Variants in CTNNA2 observed in about 807,000 individuals in gnomAD.
CTNNA2 encodes catenin alpha 2.
A neutral mutation model predicts 101.0 loss-of-function variants in CTNNA2; 42 were observed. That is an observed-to-expected ratio of 0.42 (90% CI 0.32 to 0.54). The LOEUF (loss-of-function observed/expected upper bound fraction) is 0.54, where lower values mean the gene tolerates loss of function less well. CTNNA2 is among the 20% of genes least tolerant of loss of function. CTNNA2 has a pLI of 0.14. For synonymous variants in CTNNA2, 450 were observed against 456.4 expected, an observed-to-expected ratio of 0.99 and a Z score of 0.18; for missense variants, 871 against 1,223.1, an observed-to-expected ratio of 0.71 and a Z score of 4.29.
At chr2:79,246,172 G>A (rs999850396) in intron 2 of CTNNA2, among the ~76,000 whole-genome samples, 1 of 152,172 alleles carries the variant, frequency 6.6e-6, no homozygotes, top group African/African-American at 2.4e-5. Flanking sequence ...TCTTGAATAA[G>A]TCTTTTACCA....
At chr2:79,458,135 A>C in intron 4 of CTNNA2, among the ~76,000 whole-genome samples, 1 of 152,206 alleles carries the variant, frequency 6.6e-6, no homozygotes, top group East Asian at 1.9e-4. Flanking sequence ...TTAGAACCAA[A>C]GCCCCAATAG....
At chr2:79,557,338 T>C (rs1158458906) in intron 1 of CTNNA2, among the ~76,000 whole-genome samples, 2 of 151,914 alleles carry the variant, frequency 1.3e-5, no homozygotes, top group African/African-American at 2.4e-5. Context: ...TTTCAGAAAT[T>C]GGAAACAGAA....
At chr2:79,914,215 G>A (rs1232597359) in intron 7 of CTNNA2, among the ~76,000 whole-genome samples, 1 of 151,428 alleles carries the variant, frequency 6.6e-6, no homozygotes, top group East Asian at 1.9e-4. Context: ...GGCAATGCCT[G>A]GACACTCTGC....
intron 7 of CTNNA2, among the ~76,000 whole-genome samples, chr2:80,296,319 G>A (rs973739566): frequency 2.0e-5 from 3 of 152,108 alleles, no homozygotes; most frequent in South Asian, 2.1e-4. Flanking sequence ...CTCCTGGAAG[G>A]AATATCAAGT....
At chr2:80,572,652 C>A (rs1694700268) in intron 12 of CTNNA2, 7 of 151,976 alleles carry the variant, frequency 4.6e-5, no homozygotes, top group Admixed American at 6.5e-5. Context: ...ATTCCCAACA[C>A]GAATAACTCA....
intron 7 of CTNNA2, among the ~76,000 whole-genome samples, chr2:80,082,374 T>G (rs1336563469): frequency 1.3e-5 from 2 of 152,200 alleles, no homozygotes; most frequent in Non-Finnish European, 2.9e-5. Context: ...ACTTATGGTA[T>G]GTACCTCATA....
intron 9 of CTNNA2, among the ~76,000 whole-genome samples, chr2:80,430,963 A>T (rs1246170925): frequency 6.6e-6 from 1 of 152,168 alleles, no homozygotes. Context: ...TTAAGATCAG[A>T]CACCTTCAAT....
At chr2:80,152,837 G>C (rs1224572966) in intron 7 of CTNNA2, among the ~76,000 whole-genome samples, 1 of 152,148 alleles carries the variant, frequency 6.6e-6, no homozygotes, top group Non-Finnish European at 1.5e-5. Flanking sequence ...TCTCCTGCTA[G>C]AGTTCAGAAA....
At chr2:79,373,324 A>G (rs2861785) in intron 3 of CTNNA2, among the ~76,000 whole-genome samples, 124,006 of 152,164 alleles carry the variant, frequency 0.81, 51,054 homozygotes, top group African/African-American at 0.92. Context: ...ACGTAAATGA[A>G]TAAGTAAAAT....
intron 17 of CTNNA2, among the ~76,000 whole-genome samples, chr2:80,609,875 T>G (rs1473473758): frequency 6.6e-6 from 1 of 151,740 alleles, no homozygotes; most frequent in Non-Finnish European, 1.5e-5. Context: ...ACCCATTGTT[T>G]GTCACTGCCT....
chr2:80,365,389 T>G (rs915738841), intron 7 of CTNNA2, among the ~76,000 whole-genome samples: 1 of 152,130 alleles, frequency 6.6e-6, no homozygotes, highest in African/African-American at 2.4e-5. Flanking sequence ...ACAGCTTATA[T>G]TTTAAAGGTT....
chr2:80,513,034 A>G (rs1190458272), intron 9 of CTNNA2, among the ~76,000 whole-genome samples: 1 of 152,078 alleles, frequency 6.6e-6, no homozygotes, highest in Non-Finnish European at 1.5e-5. Context: ...TTTGTGTTGT[A>G]GCTCCCTTGC....
intron 3 of CTNNA2, among the ~76,000 whole-genome samples, chr2:79,341,032 A>G (rs1243578156): frequency 6.6e-6 from 1 of 152,012 alleles, no homozygotes; most frequent in African/African-American, 2.4e-5. Context: ...CTACATATAT[A>G]TATATAATCT....
At chr2:79,341,958 A>G (rs186250945) in intron 3 of CTNNA2, among the ~76,000 whole-genome samples, 1 of 152,160 alleles carries the variant, frequency 6.6e-6, no homozygotes, top group Admixed American at 6.5e-5. Context: ...CAGCTTGCAG[A>G]TAAGGTACAA....
intron 6 of CTNNA2, among the ~76,000 whole-genome samples, chr2:79,907,541 T>G (rs1401974724): frequency 6.6e-6 from 1 of 152,134 alleles, no homozygotes; most frequent in Non-Finnish European, 1.5e-5. Flanking sequence ...CTTTCACCTG[T>G]AATAATGAAC....
chr2:79,544,829 C>T (rs1404595841), intron 1 of CTNNA2, among the ~76,000 whole-genome samples: 1 of 152,010 alleles, frequency 6.6e-6, no homozygotes, highest in Non-Finnish European at 1.5e-5. Context: ...GGTGAACTTC[C>T]CAGCTCAGGT....
intron 7 of CTNNA2, among the ~76,000 whole-genome samples, chr2:79,975,547 C>T (rs1690777445): frequency 6.6e-6 from 1 of 152,156 alleles, no homozygotes; most frequent in South Asian, 2.1e-4. Flanking sequence ...TCCCTCACTT[C>T]AGATGCCATA....
At chr2:80,204,100 G>A (rs538355481) in intron 7 of CTNNA2, among the ~76,000 whole-genome samples, 15 of 152,140 alleles carry the variant, frequency 9.9e-5, no homozygotes, top group South Asian at 2.1e-4. Flanking sequence ...CCCTGGGCCC[G>A]GACCACAAAA....
chr2:79,961,525 A>C (rs2104531838), intron 7 of CTNNA2, among the ~76,000 whole-genome samples: 1 of 152,316 alleles, frequency 6.6e-6, no homozygotes, highest in East Asian at 1.9e-4. Flanking sequence ...GGCGAGGTCT[A>C]CCTTAAAGCT....
Sources: gnomAD v4.1 joint callset for allele counts (sites outside exome capture counted in the v4.1 genomes callset) on GRCh38, gnomAD v4.1.1 for gene constraint, MANE v1.5 for transcripts, NCBI Gene and HGNC (gene_info 2026-07-23, HGNC 2026-07-21) for gene names.